Variants in C8orf34 observed in about 807,000 individuals in gnomAD.
C8orf34 encodes the protein chromosome 8 open reading frame 34.
Under a neutral mutation model 68.3 loss-of-function variants are expected in C8orf34, and 65 were observed. The ratio of observed to expected loss-of-function variants is 0.95; its 90% confidence interval spans 0.78 to 1.17. C8orf34 has a LOEUF of 1.17. Ranked by LOEUF, C8orf34 falls within the 50% of genes most tolerant of loss-of-function variation. The probability of loss-of-function intolerance (pLI) is 0.00; values close to 1 mark genes in which losing one functional copy is unlikely to be tolerated. For missense variants in C8orf34, 664 were observed against 655.4 expected, an observed-to-expected ratio of 1.01 and a Z score of -0.14; for synonymous variants, 244 against 241.2, an observed-to-expected ratio of 1.01 and a Z score of -0.11.
At chr8:68,783,342 AC>A (rs1487898840) in intron 11 of C8orf34, among the ~76,000 whole-genome samples, 1 of 151,918 alleles carries the variant, frequency 6.6e-6, no homozygotes, top group East Asian at 1.9e-4. Context: ...ACATGGTGAA[AC>A]CCCGTCTCTA....
intron 8 of C8orf34, among the ~76,000 whole-genome samples, chr8:68,684,839 G>T (rs1432141136): frequency 6.6e-6 from 1 of 151,808 alleles, no homozygotes; most frequent in South Asian, 2.1e-4. Flanking sequence ...TTGAGACTGG[G>T]TCTTACTCCG....
chr8:68,606,594 T>A (rs1426977760), intron 7 of C8orf34, among the ~76,000 whole-genome samples: 1 of 152,116 alleles, frequency 6.6e-6, no homozygotes, highest in Non-Finnish European at 1.5e-5. Flanking sequence ...TAGGTTTGGA[T>A]CTAGTGAGAT....
chr8:68,330,741 G>A, upstream of C8orf34: 1 of 374,798 alleles, frequency 2.7e-6, no homozygotes, highest in Non-Finnish European at 4.7e-6. Flanking sequence ...GAGCAGCCCG[G>A]GCTGTTTGTT....
intron 7 of C8orf34, among the ~76,000 whole-genome samples, chr8:68,584,194 G>C (rs115416271): frequency 0.026 from 3,978 of 152,036 alleles, 179 homozygotes; most frequent in African/African-American, 0.089. Context: ...TAGAATATCT[G>C]TCCCTAACTT....
chr8:68,643,159 A>G (rs896714412), intron 8 of C8orf34, among the ~76,000 whole-genome samples: 3 of 152,222 alleles, frequency 2.0e-5, no homozygotes, highest in Admixed American at 2.0e-4. Context: ...TGAGAGACAC[A>G]TGGAGAACTG....
intron 8 of C8orf34, among the ~76,000 whole-genome samples, chr8:68,690,215 G>T (rs1820645830): frequency 6.6e-6 from 1 of 151,814 alleles, no homozygotes; most frequent in Non-Finnish European, 1.5e-5. Context: ...TTTTTTATAT[G>T]AGTGTTAGCG....
intron 10 of C8orf34, among the ~76,000 whole-genome samples, chr8:68,735,220 T>C (rs1360729950): frequency 6.6e-6 from 1 of 152,184 alleles, no homozygotes; most frequent in Non-Finnish European, 1.5e-5. Context: ...AGGGAGTATG[T>C]ACCTGGACTT....
chr8:68,334,468 C>G (rs1006770317), intron 1 of C8orf34, among the ~76,000 whole-genome samples: 1 of 151,118 alleles, frequency 6.6e-6, no homozygotes, highest in Admixed American at 6.6e-5. Flanking sequence ...TATATATATT[C>G]CATGTATGTT....
intron 6 of C8orf34, among the ~76,000 whole-genome samples, chr8:68,526,694 A>AG: frequency 6.6e-6 from 1 of 151,854 alleles, no homozygotes; most frequent in Non-Finnish European, 1.5e-5. Context: ...GTCAAAAAAA[A>AG]AAAAAAGGAC....
intron 12 of C8orf34, among the ~76,000 whole-genome samples, chr8:68,809,136 C>T (rs1029745934): frequency 1.3e-5 from 2 of 152,130 alleles, no homozygotes; most frequent in Admixed American, 6.5e-5. Context: ...CACTCAAGTG[C>T]ATCTACAGTT....
At chr8:68,748,639 C>G (rs1019034957) in intron 10 of C8orf34, among the ~76,000 whole-genome samples, 46 of 152,226 alleles carry the variant, frequency 3.0e-4, no homozygotes, top group African/African-American at 1.0e-3. Flanking sequence ...TGAAAAAATG[C>G]TCACCATCAC....
intron 10 of C8orf34, among the ~76,000 whole-genome samples, chr8:68,727,536 C>T (rs1821867012): frequency 6.6e-6 from 1 of 152,254 alleles, no homozygotes; most frequent in East Asian, 1.9e-4. Flanking sequence ...GGGGGCTCCA[C>T]CCCTACATTT....
chr8:68,762,820 G>T (rs747807194), intron 10 of C8orf34, among the ~76,000 whole-genome samples: 10 of 152,228 alleles, frequency 6.6e-5, no homozygotes, highest in Non-Finnish European at 1.5e-4. Context: ...AATTAACAGA[G>T]AAATTTCTTC....
intron 1 of C8orf34, among the ~76,000 whole-genome samples, chr8:68,400,802 G>A (rs1212076477): frequency 6.6e-6 from 1 of 152,156 alleles, no homozygotes; most frequent in Non-Finnish European, 1.5e-5. Flanking sequence ...GTGAAGCAAT[G>A]TGATGCCTTC....
intron 1 of C8orf34, among the ~76,000 whole-genome samples, chr8:68,342,032 A>T (rs1238323012): frequency 6.6e-6 from 1 of 152,190 alleles, no homozygotes; most frequent in African/African-American, 2.4e-5. Flanking sequence ...GTTAACAATT[A>T]TGTATTGTAT....
At chr8:68,716,695 A>G (rs981369740) in intron 9 of C8orf34, among the ~76,000 whole-genome samples, 1 of 151,980 alleles carries the variant, frequency 6.6e-6, no homozygotes, top group Non-Finnish European at 1.5e-5. Flanking sequence ...AGGCAGGTAT[A>G]TGAGTTTTGG....
chr8:68,341,258 G>A (rs115879859), intron 1 of C8orf34, among the ~76,000 whole-genome samples: 341 of 152,208 alleles, frequency 2.2e-3, no homozygotes, highest in African/African-American at 7.7e-3. Flanking sequence ...TGCCAATCCC[G>A]TTCATGAGGG....
intron 8 of C8orf34, among the ~76,000 whole-genome samples, chr8:68,647,586 C>T (rs1819216850): frequency 6.6e-6 from 1 of 152,140 alleles, no homozygotes; most frequent in African/African-American, 2.4e-5. Flanking sequence ...GAGAGATACA[C>T]AACCACTGGA....
At chr8:68,753,536 G>T (rs186474946) in intron 10 of C8orf34, among the ~76,000 whole-genome samples, 2 of 152,274 alleles carry the variant, frequency 1.3e-5, no homozygotes, top group African/African-American at 4.8e-5. Context: ...TTTCAAGGGA[G>T]GATTGAACTT....
Sources: allele counts gnomAD v4.1 joint callset (sites outside exome capture counted in the v4.1 genomes callset), GRCh38; gene constraint gnomAD v4.1.1; transcripts MANE v1.5; gene names NCBI Gene and HGNC (gene_info 2026-07-23, HGNC 2026-07-21).